The following SCFD2 variants were observed in gnomAD, a reference collection of about 807,000 sequenced individuals.
SCFD2 encodes sec1 family domain containing 2.
SCFD2 carries 54 observed loss-of-function variants against 58.9 expected under a neutral mutation model. That is an observed-to-expected ratio of 0.92 (90% CI 0.74 to 1.15). SCFD2 has a LOEUF of 1.15. Among genes scored for constraint, SCFD2 ranks in the 50% most tolerant of loss-of-function variants. SCFD2 has a pLI of 0.00. For synonymous variants in SCFD2, 321 were observed against 335.9 expected (o/e 0.96, Z 0.49); for missense variants, 805 against 836.6 (o/e 0.96, Z 0.47).
chr4:53,030,346 G>A (rs962338135), intron 5 of SCFD2, among the ~76,000 whole-genome samples: 14 of 151,886 alleles, frequency 9.2e-5, no homozygotes, highest in Admixed American at 4.6e-4. Context: ...CTAAGTGCTG[G>A]TAAGGATATG....
intron 5 of SCFD2, among the ~76,000 whole-genome samples, chr4:53,110,429 G>T (rs1725136678): frequency 6.6e-6 from 1 of 152,150 alleles, no homozygotes; most frequent in Non-Finnish European, 1.5e-5. Flanking sequence ...CACAGCAAAA[G>T]AAATTATCAT....
At chr4:52,937,497 A>C (rs968251151) in intron 5 of SCFD2, among the ~76,000 whole-genome samples, 7 of 152,348 alleles carry the variant, frequency 4.6e-5, no homozygotes, top group African/African-American at 1.7e-4. Flanking sequence ...GCTCCTGTAG[A>C]GAGCACACAA....
chr4:53,129,578 C>T (rs1278082984), intron 5 of SCFD2, among the ~76,000 whole-genome samples: 3 of 152,062 alleles, frequency 2.0e-5, no homozygotes, highest in Non-Finnish European at 2.9e-5. Context: ...TATTTTTTTG[C>T]TGCAATTTTA....
chr4:52,954,096 G>A (rs1450089288), intron 5 of SCFD2, among the ~76,000 whole-genome samples: 1 of 152,210 alleles, frequency 6.6e-6, no homozygotes, highest in Non-Finnish European at 1.5e-5. Flanking sequence ...AGGCAGCACA[G>A]GGAGCAGTGC....
At chr4:53,126,638 G>T (rs1254846693) in intron 5 of SCFD2, among the ~76,000 whole-genome samples, 2 of 152,102 alleles carry the variant, frequency 1.3e-5, no homozygotes, top group Non-Finnish European at 2.9e-5. Context: ...TTAAATGATG[G>T]TGTACACATG....
At chr4:53,270,804 C>T (rs1560422047) in intron 4 of SCFD2, among the ~76,000 whole-genome samples, 1 of 152,058 alleles carries the variant, frequency 6.6e-6, no homozygotes. Flanking sequence ...TAAAACTGAA[C>T]ATATGGATTT....
chr4:53,030,848 A>G (rs1185953251), intron 5 of SCFD2, among the ~76,000 whole-genome samples: 3 of 152,242 alleles, frequency 2.0e-5, no homozygotes, highest in Non-Finnish European at 4.4e-5. Context: ...GCATATTTAT[A>G]ATGGCATTAT....
intron 5 of SCFD2, among the ~76,000 whole-genome samples, chr4:53,061,452 T>C (rs1392563328): frequency 1.3e-5 from 2 of 152,192 alleles, no homozygotes; most frequent in Non-Finnish European, 2.9e-5. Context: ...CTAAATCATA[T>C]GGACCACCAT....
At chr4:53,057,901 G>A (rs542758606) in intron 5 of SCFD2, among the ~76,000 whole-genome samples, 1 of 152,214 alleles carries the variant, frequency 6.6e-6, no homozygotes, top group South Asian at 2.1e-4. Flanking sequence ...AAAGGGCAGT[G>A]CAGAGATCAG....
intron 3 of SCFD2, among the ~76,000 whole-genome samples, chr4:53,305,576 ATT>A (rs1196764218): frequency 6.6e-6 from 1 of 152,140 alleles, no homozygotes; most frequent in Non-Finnish European, 1.5e-5. Context: ...TCACTACCTT[ATT>A]TTGTTTTAGA....
chr4:52,965,753 A>G (rs895136203), intron 5 of SCFD2, among the ~76,000 whole-genome samples: 3 of 152,098 alleles, frequency 2.0e-5, no homozygotes, highest in East Asian at 3.9e-4. Flanking sequence ...ACTTGGTTTC[A>G]TTTGGCTTGA....
intron 4 of SCFD2, among the ~76,000 whole-genome samples, chr4:53,199,656 CCT>C (rs1210677931): frequency 6.6e-6 from 1 of 152,020 alleles, no homozygotes; most frequent in African/African-American, 2.4e-5. Flanking sequence ...TACAAAAACT[CCT>C]TAGCAGCAAG....
chr4:52,896,883 T>C (rs1452868038), intron 7 of SCFD2, among the ~76,000 whole-genome samples: 8 of 152,216 alleles, frequency 5.3e-5, no homozygotes, highest in Non-Finnish European at 1.0e-4. Context: ...AAACGTCCCT[T>C]GTAAGTTGGA....
chr4:53,261,778 G>A (rs905299091), intron 4 of SCFD2, among the ~76,000 whole-genome samples: 2 of 152,050 alleles, frequency 1.3e-5, no homozygotes, highest in Non-Finnish European at 2.9e-5. Context: ...TTTCTTTGTT[G>A]GCTTTCTGTC....
chr4:53,048,934 G>A (rs1209986360), intron 5 of SCFD2, among the ~76,000 whole-genome samples: 1 of 152,066 alleles, frequency 6.6e-6, no homozygotes, highest in Admixed American at 6.6e-5. Flanking sequence ...GTGACTGAGC[G>A]AGACCTAGTC....
At chr4:52,922,837 G>C (rs1049854712) in intron 5 of SCFD2, among the ~76,000 whole-genome samples, 4 of 152,180 alleles carry the variant, frequency 2.6e-5, no homozygotes, top group African/African-American at 9.7e-5. Context: ...CAGTGTAAGA[G>C]GGTTTCAATT....
intron 3 of SCFD2, among the ~76,000 whole-genome samples, chr4:53,294,151 A>T (rs1348374431): frequency 6.6e-6 from 1 of 152,184 alleles, no homozygotes; most frequent in Admixed American, 6.5e-5. Context: ...TCCTTGGGGT[A>T]TATACCCAGT....
intron 2 of SCFD2, among the ~76,000 whole-genome samples, chr4:53,341,724 A>T (rs1417664229): frequency 1.3e-5 from 2 of 152,226 alleles, no homozygotes; most frequent in Non-Finnish European, 2.9e-5. Context: ...CGGGTTACCC[A>T]CAAAGGGAAG....
chr4:53,250,542 G>A (rs1363342093), intron 4 of SCFD2, among the ~76,000 whole-genome samples: 2 of 152,096 alleles, frequency 1.3e-5, no homozygotes, highest in African/African-American at 4.8e-5. Flanking sequence ...ATAACAAACT[G>A]TCTCTCAGAC....
Sources: allele counts gnomAD v4.1 joint callset (sites outside exome capture counted in the v4.1 genomes callset), GRCh38; gene constraint gnomAD v4.1.1; transcripts MANE v1.5; gene names NCBI Gene and HGNC (gene_info 2026-07-23, HGNC 2026-07-21).